PIP4K2A: variants seen among roughly 807,000 people sequenced by gnomAD.
PIP4K2A encodes phosphatidylinositol 5-phosphate 4-kinase type-2 alpha.
A neutral mutation model predicts 42.9 loss-of-function variants in PIP4K2A; 14 were observed. The observed-to-expected ratio is 0.33, with a 90% confidence interval of 0.22 to 0.51. The LOEUF (loss-of-function observed/expected upper bound fraction) is 0.51. PIP4K2A is among the 20% of genes least tolerant of loss of function. PIP4K2A has a pLI of 0.97. For missense variants in PIP4K2A, 434 were observed against 519.8 expected, an observed-to-expected ratio of 0.83 and a Z score of 1.61; for synonymous variants, 192 against 192.2, an observed-to-expected ratio of 1.00 and a Z score of 0.01.
At chr10:22,694,430 G>A (rs1839930395) in intron 1 of PIP4K2A, 1 of 152,204 alleles carries the variant, frequency 6.6e-6, no homozygotes, top group Non-Finnish European at 1.5e-5. Context: ...AAGCCTTTCA[G>A]TAATGAGGTG....
intron 1 of PIP4K2A, among the ~76,000 whole-genome samples, chr10:22,674,298 G>T (rs1254277291): frequency 1.3e-5 from 2 of 149,412 alleles, no homozygotes; most frequent in Non-Finnish European, 3.0e-5. Context: ...CTTGTATCAT[G>T]TTCTTTTGGT....
At chr10:22,549,963 G>A (rs1836362880) in intron 7 of PIP4K2A, among the ~76,000 whole-genome samples, 1 of 151,270 alleles carries the variant, frequency 6.6e-6, no homozygotes, top group Non-Finnish European at 1.5e-5. Flanking sequence ...AAGCTGCAAT[G>A]CCTTTATCAT....
chr10:22,556,329 A>G (rs1836546924), intron 6 of PIP4K2A, among the ~76,000 whole-genome samples: 1 of 152,190 alleles, frequency 6.6e-6, no homozygotes, highest in African/African-American at 2.4e-5. Flanking sequence ...TACCAGCTAG[A>G]AAAACCTCTG....
intron 1 of PIP4K2A, among the ~76,000 whole-genome samples, chr10:22,686,159 A>AGCATGTTTC: frequency 6.6e-6 from 1 of 152,320 alleles, no homozygotes; most frequent in East Asian, 1.9e-4. Flanking sequence ...CTGAACCGGC[A>AGCATGTTTC]CATTTCGGAT....
intron 1 of PIP4K2A, among the ~76,000 whole-genome samples, chr10:22,647,314 GTGTGTGTGTA>G (rs369569977): frequency 0.039 from 5,438 of 140,672 alleles, 132 homozygotes; most frequent in Non-Finnish European, 0.054. Context: ...AATACTGTGT[GTGTGTGTGTA>G]TGTGTGTGTG....
At chr10:22,637,466 G>A (rs1342112585) in intron 1 of PIP4K2A, among the ~76,000 whole-genome samples, 1 of 152,158 alleles carries the variant, frequency 6.6e-6, no homozygotes, top group Non-Finnish European at 1.5e-5. Context: ...GATGTGCCTT[G>A]GACTATGGAA....
chr10:22,622,609 G>A (rs1336292596), intron 1 of PIP4K2A, among the ~76,000 whole-genome samples: 3 of 152,214 alleles, frequency 2.0e-5, no homozygotes, highest in Admixed American at 6.5e-5. Flanking sequence ...GCCAGTGGGC[G>A]GCAGCACAAA....
At chr10:22,590,061 G>A (rs1309311379) in intron 4 of PIP4K2A, among the ~76,000 whole-genome samples, 2 of 152,164 alleles carry the variant, frequency 1.3e-5, no homozygotes, top group Non-Finnish European at 2.9e-5. Flanking sequence ...ACAGAAGAGT[G>A]CTTTTGATCC....
chr10:22,704,651 GA>G (rs113174364), intron 1 of PIP4K2A, among the ~76,000 whole-genome samples: 2,162 of 64,180 alleles, frequency 0.034, 20 homozygotes, highest in Middle Eastern at 0.092. Context: ...GACCTCATCT[GA>G]AAAAAAAAAA....
intron 6 of PIP4K2A, among the ~76,000 whole-genome samples, chr10:22,553,584 C>T (rs1050625578): frequency 1.3e-5 from 2 of 152,130 alleles, no homozygotes; most frequent in African/African-American, 4.8e-5. Context: ...TAACTAAGGT[C>T]TCAGAGTTTG....
intron 1 of PIP4K2A, among the ~76,000 whole-genome samples, chr10:22,613,397 G>C (rs762382810): frequency 6.6e-6 from 1 of 152,192 alleles, no homozygotes; most frequent in Non-Finnish European, 1.5e-5. Flanking sequence ...AGTGGGAGGG[G>C]ATGGGATTCA....
intron 1 of PIP4K2A, among the ~76,000 whole-genome samples, chr10:22,670,389 T>G (rs1044383854): frequency 2.6e-5 from 4 of 152,070 alleles, no homozygotes; most frequent in African/African-American, 9.7e-5. Context: ...AACAGTATGA[T>G]AGCCAACACA....
At position 22,686,043 on chromosome 10, in the gene PIP4K2A, C is replaced by T. The variant is rs1032444295; in HGVS notation, c.144+28140G>A. On this transcript the variant is annotated intron_variant, in intron 1 of 9. Coordinates refer to ENST00000376573, the MANE Select transcript of PIP4K2A (RefSeq NM_005028.5). ...GAGGCAGGGATCGAGTAATACTGGG[C>T]GTGTCAAGATTGCTGCAAACTTCCG... is the stretch of plus-strand genomic sequence containing the variant. Among the ~76,000 whole-genome samples, 15 of 152,302 alleles carry T rather than the reference C, an allele frequency of 9.8e-5. No homozygotes were observed. The South Asian group carries it at 1.2e-3, about 13-fold the overall frequency.
At chr10:22,593,959 G>C (rs1301314727) in intron 3 of PIP4K2A, among the ~76,000 whole-genome samples, 1 of 152,228 alleles carries the variant, frequency 6.6e-6, no homozygotes, top group Non-Finnish European at 1.5e-5. Context: ...AGATAGGACA[G>C]TATAACGTCC....
intron 1 of PIP4K2A, among the ~76,000 whole-genome samples, chr10:22,646,503 T>C (rs1838884975): frequency 6.6e-6 from 1 of 152,192 alleles, no homozygotes; most frequent in Non-Finnish European, 1.5e-5. Flanking sequence ...CACACATTTT[T>C]CTTACAAACA....
chr10:22,638,476 T>G (rs1449192358), intron 1 of PIP4K2A, among the ~76,000 whole-genome samples: 3 of 152,216 alleles, frequency 2.0e-5, no homozygotes, highest in Non-Finnish European at 4.4e-5. Flanking sequence ...AAGTATGTCT[T>G]AAAGCATTCC....
chr10:22,587,929 C>A (rs1837435695), intron 4 of PIP4K2A, among the ~76,000 whole-genome samples: 1 of 152,226 alleles, frequency 6.6e-6, no homozygotes, highest in African/African-American at 2.4e-5. Flanking sequence ...GGTCCCAGAC[C>A]TGCCCTCAGT....
chr10:22,578,250 T>C (rs1417890703), intron 4 of PIP4K2A, among the ~76,000 whole-genome samples: 4 of 152,202 alleles, frequency 2.6e-5, no homozygotes, highest in Non-Finnish European at 5.9e-5. Flanking sequence ...CTCTCCTGAC[T>C]GGCTTCTTGG....
intron 1 of PIP4K2A, among the ~76,000 whole-genome samples, chr10:22,644,156 G>GGGACCTCCACGCACAGAGTA (rs1838834718): frequency 6.6e-6 from 1 of 152,162 alleles, no homozygotes; most frequent in Admixed American, 6.5e-5. Context: ...CTCAGCCAGT[G>GGGACCTCCACGCACAGAGTA]GGACCTCCAC....
Sources: allele counts gnomAD v4.1 joint callset (sites outside exome capture counted in the v4.1 genomes callset), GRCh38; gene constraint gnomAD v4.1.1; transcripts MANE v1.5; gene names NCBI Gene and HGNC (gene_info 2026-07-23, HGNC 2026-07-21).